RBFOX1: variants seen among roughly 807,000 people sequenced by gnomAD.
RBFOX1 encodes RNA binding fox-1 homolog 1.
Under a neutral mutation model 57.7 loss-of-function variants are expected in RBFOX1, and 8 were observed. The ratio of observed to expected loss-of-function variants is 0.14; its 90% CI spans 0.08 to 0.25. The LOEUF (loss-of-function observed/expected upper bound fraction) is 0.25, where lower values mean the gene tolerates loss of function less well. Ranked by LOEUF, RBFOX1 falls within the 10% of genes least tolerant of loss-of-function variation. The pLI is 1.00. For missense variants in RBFOX1, 611 were observed against 548.5 expected (o/e 1.11, Z -1.14); for synonymous variants, 326 against 222.4 (o/e 1.47, Z -4.15).
chr16:6,336,172 T>TAC (rs1555631204), intron 2 of RBFOX1, among the ~76,000 whole-genome samples: 4 of 28,198 alleles, frequency 1.4e-4, no homozygotes, highest in African/African-American at 6.1e-4. Context: ...TATATATATA[T>TAC]ATATATATAT....
chr16:6,019,721 C>CCGCG lies in RBFOX1; in HGVS notation c.-394_-391dup. On this transcript the variant is annotated 5_prime_UTR_variant, in exon 1 of 16. Coordinates refer to ENST00000550418, the MANE Select transcript of RBFOX1 (RefSeq NM_018723.4). This position sits in a 1 kb window ranked among gnomAD's most constrained non-coding sequence, Gnocchi z 4.2. ...CCCAGGCAGAGAGAGCAGGAGCGGA[C>CCGCG]CGCGCGCCCGGGATTGAGAGTCCTT... The CCGCG allele has an allele frequency of 7.3e-7, 1 of 1,371,008 alleles. No homozygotes were observed. Among genetic ancestry groups the CCGCG allele is most frequent in the Non-Finnish European group, 9.4e-7 (1 of 1,062,020 alleles). 84.9% of individuals were successfully genotyped at this position (1,371,008 alleles called of 1,614,324 possible). A position where few individuals can be genotyped will look rare whatever the true frequency, so the allele number is the denominator to read the frequency against.
At chr16:7,197,732 C>T (rs1433673974) in intron 4 of RBFOX1, among the ~76,000 whole-genome samples, 2 of 152,094 alleles carry the variant, frequency 1.3e-5, no homozygotes, top group South Asian at 2.1e-4. Context: ...TGTAGTAGAA[C>T]GTTATTCAAC....
chr16:6,434,694 C>A (rs2153012501), intron 2 of RBFOX1, among the ~76,000 whole-genome samples: 1 of 152,276 alleles, frequency 6.6e-6, no homozygotes, highest in East Asian at 1.9e-4. Flanking sequence ...TCATCCTTTC[C>A]ATCATTGATA....
At chr16:5,903,003 G>C (rs767580361) in intron 4 of RBFOX1, among the ~76,000 whole-genome samples, 3 of 151,976 alleles carry the variant, frequency 2.0e-5, no homozygotes, top group African/African-American at 7.2e-5. Flanking sequence ...CTCAACAAAC[G>C]TGTGCACCCC....
chr16:6,818,704 C>G (rs936240384), intron 3 of RBFOX1, among the ~76,000 whole-genome samples: 2 of 152,110 alleles, frequency 1.3e-5, no homozygotes, highest in Non-Finnish European at 1.5e-5. Context: ...GAGAAGTCCT[C>G]TCTTCCACCC....
At chr16:7,678,428 G>C (rs1286634785) in intron 14 of RBFOX1, among the ~76,000 whole-genome samples, 2 of 152,218 alleles carry the variant, frequency 1.3e-5, no homozygotes, top group East Asian at 3.9e-4. Flanking sequence ...GCTTCACAAA[G>C]TATCAATTGT....
intron 1 of RBFOX1, among the ~76,000 whole-genome samples, chr16:6,301,038 T>C (rs1386757449): frequency 2.0e-5 from 3 of 152,212 alleles, no homozygotes; most frequent in Non-Finnish European, 2.9e-5. Context: ...ACTTACATTA[T>C]GTTCCTTTGA....
intron 4 of RBFOX1, among the ~76,000 whole-genome samples, chr16:7,193,887 G>A (rs896339782): frequency 1.3e-5 from 2 of 151,972 alleles, no homozygotes; most frequent in African/African-American, 4.8e-5. Flanking sequence ...TCTTCTTGGA[G>A]AGTTGACTGG....
chr16:7,448,178 A>G (rs990850640), intron 4 of RBFOX1, among the ~76,000 whole-genome samples: 1 of 152,244 alleles, frequency 6.6e-6, no homozygotes, highest in African/African-American at 2.4e-5. Flanking sequence ...ATTACTGCAA[A>G]CAGAGCGGCT....
At position 7,007,965 on chromosome 16, in the gene RBFOX1, A is replaced by G. The variant is rs1209481188; in HGVS notation, c.-15-44092A>G. Among the ~76,000 whole-genome samples, 3 of 152,184 alleles carry G rather than the reference A, an allele frequency of 2.0e-5. No individual in the cohort carries two copies. In the East Asian group the frequency reaches 5.8e-4, roughly 29 times the overall value. On this transcript the variant is annotated intron_variant, in intron 3 of 15. Coordinates refer to ENST00000550418, the MANE Select transcript of RBFOX1 (RefSeq NM_018723.4). ...GCCGTGAGAAACACGTGAAATGGCA[A>G]CAGATTTCAGAAATGGTAGCAAAAT...
At chr16:6,993,975 G>T (rs940059490) in intron 3 of RBFOX1, among the ~76,000 whole-genome samples, 1 of 152,174 alleles carries the variant, frequency 6.6e-6, no homozygotes, top group African/African-American at 2.4e-5. Context: ...CAGGGAAGAG[G>T]GGTGGAGGTG....
intron 4 of RBFOX1, among the ~76,000 whole-genome samples, chr16:7,250,918 C>T (rs893056205): frequency 2.0e-5 from 3 of 152,146 alleles, no homozygotes; most frequent in Non-Finnish European, 4.4e-5. Flanking sequence ...ATACATTTAT[C>T]ATGTACAACA....
intron 2 of RBFOX1, among the ~76,000 whole-genome samples, chr16:6,418,519 AT>A (rs567448072): frequency 0.04 from 4,034 of 100,872 alleles, 61 homozygotes; most frequent in East Asian, 0.17. Flanking sequence ...TGCAAGCCTT[AT>A]TTTTTTTTTT....
rs368938497 is a variant in RBFOX1 at position 6,107,218 on chromosome 16, T to C, written c.-127+87226T>C. Among the ~76,000 whole-genome samples the C allele has an allele frequency of 5.3e-5, 8 of 152,106 alleles. No homozygotes were observed. In the East Asian group the frequency reaches 1.4e-3, roughly 26 times the overall value. On this transcript the variant is annotated intron_variant, in intron 1 of 15. Transcript: ENST00000550418. ...GGTCCCCATCTGTGGCCTCTTTGCTTATCATGGCCTGGTGACCCCCTAGTA... is the reference window on the plus strand; with the variant it reads ...GGTCCCCATCTGTGGCCTCTTTGCTCATCATGGCCTGGTGACCCCCTAGTA...
chr16:6,634,158 G>A (rs377573873), intron 2 of RBFOX1, among the ~76,000 whole-genome samples: 3 of 152,104 alleles, frequency 2.0e-5, no homozygotes, highest in Non-Finnish European at 4.4e-5. Flanking sequence ...AATTCATGGA[G>A]GTTCAGAATG....
At chr16:5,559,435 C>T (rs189467480) in intron 2 of RBFOX1, among the ~76,000 whole-genome samples, 1 of 152,132 alleles carries the variant, frequency 6.6e-6, no homozygotes, top group Non-Finnish European at 1.5e-5. Context: ...AGGAAATAGA[C>T]TTATTTACAT....
chr16:6,235,880 G>T (rs1336959852), intron 1 of RBFOX1, among the ~76,000 whole-genome samples: 1 of 151,988 alleles, frequency 6.6e-6, no homozygotes, highest in Non-Finnish European at 1.5e-5. Context: ...AGGGGTGAGG[G>T]ATAAAATACT....
At position 7,474,869 on chromosome 16, in the gene RBFOX1, T is replaced by G. The variant is rs114178879; in HGVS notation, c.28-43278T>G. ...GTTGGCTGTTACTGTGAATGCCATT[T>G]AGTTACCTGAATCCATTCATCCACT... On this transcript the variant is annotated intron_variant, in intron 4 of 15. Transcript: ENST00000550418. Among the ~76,000 whole-genome samples, 426 of 152,360 alleles carry G rather than the reference T, an allele frequency of 2.8e-3. 2 individuals are homozygous for G. The highest frequency in any genetic ancestry group is 0.01 in the African/African-American group (416 of 41,588).
intron 3 of RBFOX1, among the ~76,000 whole-genome samples, chr16:5,623,601 C>T (rs1309704381): frequency 6.7e-6 from 1 of 150,170 alleles, no homozygotes. Flanking sequence ...CTGATAAATT[C>T]TCACCGGTGC....
Sources: allele counts gnomAD v4.1 joint callset (sites outside exome capture counted in the v4.1 genomes callset), GRCh38; gene constraint gnomAD v4.1.1; non-coding constraint Gnocchi (gnomAD v3.1); transcripts MANE v1.5; gene names NCBI Gene and HGNC (gene_info 2026-07-23, HGNC 2026-07-21).